Variants in UPP2 observed in about 807,000 individuals in gnomAD.
UPP2 encodes uridine phosphorylase 2.
In UPP2, 23 loss-of-function variants were observed where a neutral mutation model predicts 26.7. The observed-to-expected ratio is 0.86, with a 90% CI of 0.62 to 1.22. The LOEUF is 1.22. Ranked by LOEUF, UPP2 falls within the 50% of genes most tolerant of loss-of-function variation. UPP2 has a pLI of 0.00. For missense variants in UPP2, 387 were observed against 396.7 expected (o/e 0.98, Z 0.21); for synonymous variants, 127 against 141.3 (o/e 0.90, Z 0.72).
Position 158,134,920 on chromosome 2 carries a change from C to T in UPP2, c.*30C>T. The T allele has an allele frequency of 6.3e-7, 1 of 1,586,188 alleles. No homozygotes were observed. Among genetic ancestry groups the T allele is most frequent in the South Asian group, 1.2e-5 (1 of 86,824 alleles). ...CCTAACTGGGCAGCCCAACCCTCCCCTGCAAGTTTGTAGCTCAAGTTGTAA... is the reference window on the plus strand; with the variant it reads ...CCTAACTGGGCAGCCCAACCCTCCCTTGCAAGTTTGTAGCTCAAGTTGTAA... On this transcript the variant is annotated 3_prime_UTR_variant, in exon 7 of 7. Transcript: ENST00000005756.
At chr2:158,021,634 ATATT>A (rs1382443287) in intron 3 of UPP2, among the ~76,000 whole-genome samples, 1 of 152,192 alleles carries the variant, frequency 6.6e-6, no homozygotes, top group Non-Finnish European at 1.5e-5. Flanking sequence ...TCCCATGGAG[ATATT>A]TAGATAGATT....
intron 3 of UPP2, among the ~76,000 whole-genome samples, chr2:158,115,734 G>C (rs1683416068): frequency 6.6e-6 from 1 of 152,194 alleles, no homozygotes. Context: ...CATGTGAACA[G>C]TTATGGAAGC....
chr2:158,105,773 A>G (rs1460331801), intron 1 of UPP2, among the ~76,000 whole-genome samples: 1 of 152,204 alleles, frequency 6.6e-6, no homozygotes, highest in Non-Finnish European at 1.5e-5. Flanking sequence ...TTTGTAATTT[A>G]CTGGTTGTTA....
intron 3 of UPP2, among the ~76,000 whole-genome samples, chr2:158,087,387 G>A (rs1246356947): frequency 6.6e-6 from 1 of 152,086 alleles, no homozygotes; most frequent in Admixed American, 6.5e-5. Flanking sequence ...GTCCTTATGT[G>A]TTAGGTGAGT....
intron 4 of UPP2, among the ~76,000 whole-genome samples, chr2:158,119,518 C>G (rs941893471): frequency 6.6e-6 from 1 of 152,060 alleles, no homozygotes; most frequent in Non-Finnish European, 1.5e-5. Context: ...AGCCAACACA[C>G]CTTAACAAGC....
intron 3 of UPP2, among the ~76,000 whole-genome samples, chr2:158,079,645 T>C (rs780093821): frequency 1.3e-5 from 2 of 152,154 alleles, no homozygotes; most frequent in Non-Finnish European, 2.9e-5. Flanking sequence ...CTCATACATT[T>C]CTCTTACATA....
chr2:158,103,980 C>A (rs1683128139), intron 1 of UPP2, among the ~76,000 whole-genome samples: 1 of 152,010 alleles, frequency 6.6e-6, no homozygotes, highest in African/African-American at 2.4e-5. Flanking sequence ...TACGTATGAC[C>A]CAGTAACTAA....
In UPP2 at chr2:158,044,573, A is replaced by G. The variant is rs1332624878; in HGVS notation, c.147+28687A>G. ...ATTACGACATTTACAGGGAACAGGA[A>G]ATGAGATTTAGTGACACTCGTGTGC... is the stretch of plus-strand genomic sequence containing the variant. On this transcript the variant is annotated intron_variant, in intron 3 of 9. Transcript: ENST00000605860. Among the ~76,000 whole-genome samples the G allele has an allele frequency of 2.6e-5, 4 of 152,124 alleles. No individual in the cohort carries two copies. The East Asian group carries it at 7.7e-4, about 29-fold the overall frequency.
At chr2:158,034,847 T>C (rs1290463178) in intron 3 of UPP2, among the ~76,000 whole-genome samples, 1 of 152,184 alleles carries the variant, frequency 6.6e-6, no homozygotes, top group Non-Finnish European at 1.5e-5. Flanking sequence ...CTGAGGTCAC[T>C]GTGGAAAGGT....
At chr2:158,055,567 A>G (rs1252061013) in intron 3 of UPP2, among the ~76,000 whole-genome samples, 2 of 152,218 alleles carry the variant, frequency 1.3e-5, no homozygotes, top group Non-Finnish European at 2.9e-5. Context: ...CCTAAGTGAT[A>G]GCCCTCTAAA....
chr2:158,123,743 T>C lies in UPP2; in HGVS notation c.665-6T>C, dbSNP rs569255188. 5 of 1,612,674 alleles carry C rather than the reference T, an allele frequency of 3.1e-6. No individual in the cohort carries two copies. In the South Asian group the frequency reaches 5.5e-5, roughly 18 times the overall value. ...AAGTCACTAAACGTTCTCCCCTCCC[T>C]TTCAGGCCAAGGCCGACTAGATGGA... is the stretch of plus-strand genomic sequence containing the variant. On this transcript the variant is annotated splice_region_variant and splice_polypyrimidine_tract_variant and intron_variant, in intron 5 of 6. Coordinates refer to ENST00000005756, the MANE Select transcript of UPP2 (RefSeq NM_173355.4).
chr2:158,048,290 G>T (rs1682080454), intron 3 of UPP2, among the ~76,000 whole-genome samples: 1 of 152,180 alleles, frequency 6.6e-6, no homozygotes, highest in African/African-American at 2.4e-5. Context: ...TCAGTTAGAA[G>T]AACTGAGTTG....
intron 3 of UPP2, among the ~76,000 whole-genome samples, chr2:158,040,279 A>G (rs1021705580): frequency 4.6e-5 from 7 of 152,342 alleles, no homozygotes; most frequent in African/African-American, 1.7e-4. Context: ...TTCACTTAAT[A>G]TTATAATGGC....
intron 3 of UPP2, among the ~76,000 whole-genome samples, chr2:158,071,057 G>A (rs1436537739): frequency 6.6e-6 from 1 of 152,176 alleles, no homozygotes; most frequent in African/African-American, 2.4e-5. Flanking sequence ...ATCACCAAGG[G>A]CTAAAGTGCT....
At chr2:158,081,040 G>A (rs535990811) in intron 3 of UPP2, among the ~76,000 whole-genome samples, 1 of 152,228 alleles carries the variant, frequency 6.6e-6, no homozygotes, top group African/African-American at 2.4e-5. Flanking sequence ...TCTAAATGTT[G>A]ATTTAGTGTT....
At chr2:158,123,650 G>C (rs1342337471) in intron 5 of UPP2, 99 bp from the exon 6 acceptor site, 11 of 1,399,234 alleles carry the variant, frequency 7.9e-6, no homozygotes, top group Non-Finnish European at 9.7e-6. Flanking sequence ...TGTAGAGTTA[G>C]ACAGCGGCAG....
At chr2:158,091,319 G>C (rs1429850211) in intron 3 of UPP2, among the ~76,000 whole-genome samples, 1 of 152,162 alleles carries the variant, frequency 6.6e-6, no homozygotes, top group Non-Finnish European at 1.5e-5. Context: ...GAAATCAGCT[G>C]TAATGGGAAG....
chr2:158,042,799 G>T (rs952258953), intron 3 of UPP2, among the ~76,000 whole-genome samples: 1 of 152,106 alleles, frequency 6.6e-6, no homozygotes, highest in South Asian at 2.1e-4. Flanking sequence ...TGGAGAGGCC[G>T]GCGAGGATGC....
intron 2 of UPP2, among the ~76,000 whole-genome samples, chr2:158,007,890 G>T (rs766917905): frequency 3.3e-5 from 5 of 152,160 alleles, no homozygotes; most frequent in Non-Finnish European, 7.4e-5. Context: ...CTCCCAAAGT[G>T]CTGGGATTAC....
Sources: gnomAD v4.1 joint callset for allele counts (sites outside exome capture counted in the v4.1 genomes callset) on GRCh38, gnomAD v4.1.1 for gene constraint, MANE v1.5 for transcripts, NCBI Gene and HGNC (gene_info 2026-07-23, HGNC 2026-07-21) for gene names.